The following IFT122 variants were observed in gnomAD, a reference collection of about 807,000 sequenced individuals.
The protein encoded by IFT122 is intraflagellar transport 122, also known as intraflagellar transport protein 122 homolog.
In IFT122, 118 loss-of-function variants were observed where a neutral mutation model predicts 161.6. That is an observed-to-expected ratio of 0.73 (90% confidence interval 0.63 to 0.85). The LOEUF is 0.85. Among genes scored for constraint, IFT122 ranks in the 40% least tolerant of loss-of-function variants. The pLI is 0.00. For missense variants in IFT122, 1,381 were observed against 1,579.6 expected, an observed-to-expected ratio of 0.87 and a Z score of 2.13; for synonymous variants, 550 against 602.4, an observed-to-expected ratio of 0.91 and a Z score of 1.27.
In IFT122 at chr3:129,504,330, G is replaced by A. The variant is rs897658448; in HGVS notation, c.2559G>A (p.Leu853=). 2.5e-6 allele frequency: 4 copies of A among 1,613,606 alleles called. No homozygotes were observed. In the African/African-American group the frequency reaches 5.3e-5, roughly 22 times the overall value. ...GCTCCTTCCCCCAGGCCTTTGCTTT[G>A]GGTGAGAAGCATCCTGAGTTTAAGG... ...ETQRWDEAFA[L]GEKHPEFKDD... The change falls in exon 21 of 30, where the codon TTG becomes TTA. Residue 853 remains leucine, a synonymous_variant. Coordinates refer to ENST00000348417, the MANE Select transcript of IFT122 (RefSeq NM_052989.3).
chr3:129,493,507 G>T (rs1408922392), intron 17 of IFT122, among the ~76,000 whole-genome samples: 1 of 152,222 alleles, frequency 6.6e-6, no homozygotes, highest in Non-Finnish European at 1.5e-5. Context: ...TTCCATGCAG[G>T]AGGAAATTAA....
chr3:129,492,069 C>T, intron 16 of IFT122, 72 bp from the exon 17 acceptor site: 1 of 1,146,012 alleles, frequency 8.7e-7, no homozygotes, highest in South Asian at 1.2e-5. Flanking sequence ...GCTTGACTTC[C>T]CACCCCTAGC....
At chr3:129,488,094 G>A (rs1577767158) in intron 15 of IFT122, 163 bp from the exon 16 acceptor site, 3 of 1,050,364 alleles carry the variant, frequency 2.9e-6, no homozygotes, top group Non-Finnish European at 4.3e-6. Context: ...GAGCACACAG[G>A]GTGGGCTGGG....
At chr3:129,448,114 A>G (rs956506563) in intron 1 of IFT122, among the ~76,000 whole-genome samples, 9 of 152,030 alleles carry the variant, frequency 5.9e-5, no homozygotes, top group African/African-American at 1.9e-4. Flanking sequence ...TATCTTCTTC[A>G]TTAATCTTTT....
chr3:129,506,634 T>C, intron 22 of IFT122, 85 bp downstream of exon 22: 1 of 1,577,146 alleles, frequency 6.3e-7, no homozygotes, highest in Non-Finnish European at 8.7e-7. Flanking sequence ...GACATTTTAA[T>C]TAAAGCCCTG....
At position 129,443,021 on chromosome 3, in the gene IFT122, C is replaced by T. The variant is rs573249927; in HGVS notation, c.41+2650C>T. Among the ~76,000 whole-genome samples the T allele has an allele frequency of 2.9e-3, 437 of 152,324 alleles. 2 individuals carry two copies. Among genetic ancestry groups the T allele is most frequent in the Non-Finnish European group, 4.5e-3 (306 of 68,024 alleles). On this transcript the variant is annotated intron_variant, in intron 1 of 29. Coordinates refer to ENST00000348417, the MANE Select transcript of IFT122 (RefSeq NM_052989.3). ...GCTAGCCCACTGTATTCCAATCAGG[C>T]TAGCATCTGCTGTAACTCTCCATTC...
chr3:129,467,142 A>C, intron 8 of IFT122, 76 bp downstream of exon 8: 1 of 1,445,880 alleles, frequency 6.9e-7, no homozygotes. Context: ...GACAGATGTT[A>C]AACTCTTTGG....
intron 26 of IFT122, among the ~76,000 whole-genome samples, chr3:129,516,050 G>GCA (rs779862475): frequency 2.4e-5 from 3 of 125,546 alleles, no homozygotes; most frequent in Non-Finnish European, 3.4e-5. Flanking sequence ...AACTGCCCCT[G>GCA]CACACACACA....
chr3:129,452,311 A>G, intron 3 of IFT122: 2 of 374,998 alleles, frequency 5.3e-6, no homozygotes, highest in South Asian at 4.6e-5. Context: ...GGGAAGACAT[A>G]CAGTAAACAT....
At chr3:129,490,760 C>T (rs190064525) in intron 16 of IFT122, among the ~76,000 whole-genome samples, 7 of 152,302 alleles carry the variant, frequency 4.6e-5, no homozygotes, top group Admixed American at 4.6e-4. Flanking sequence ...TTAAGGAAAC[C>T]CAGATCTAGA....
At chr3:129,516,556 T>TGACC (rs2083710161) in intron 26 of IFT122, among the ~76,000 whole-genome samples, 2 of 45,420 alleles carry the variant, frequency 4.4e-5, no homozygotes, top group African/African-American at 9.3e-5. Context: ...ACACACAGAT[T>TGACC]GCTCCTGCAC....
In IFT122 at chr3:129,492,141, G is replaced by A; in HGVS notation, c.1993G>A (p.Ala665Thr). ...TTTATTCTTTATTTCTTCGCCACAG[G>A]CCTTCATCAGAGTACAAGACCTCCG... is the stretch of plus-strand genomic sequence containing the variant. ...EGLDFETAKK[A>T]FIRVQDLRYL... is the part of the protein sequence containing the mutation. Residue 665 changes from alanine to threonine, a missense_variant and splice_region_variant, in exon 17 of 30, where the codon GCC (alanine) becomes ACC (threonine). Around this residue, in one of 7 missense-constraint regions of IFT122, gnomAD observed 496 missense variants for 502.5 expected, o/e 0.99. Transcript: ENST00000348417. The A allele has an allele frequency of 6.2e-7, 1 of 1,610,464 alleles. No individual in the cohort carries two copies. The highest frequency in any genetic ancestry group is 1.3e-5 in the African/African-American group (1 of 74,728).
chr3:129,466,752 C>A, intron 7 of IFT122, 138 bp from the exon 8 acceptor site: 1 of 793,896 alleles, frequency 1.3e-6, no homozygotes, highest in Non-Finnish European at 2.2e-6. Flanking sequence ...ATTCACTTGC[C>A]TCGGCCTCCT....
chr3:129,464,805 C>G, intron 7 of IFT122, 24 bp downstream of exon 7: 1 of 1,613,620 alleles, frequency 6.2e-7, no homozygotes, highest in Non-Finnish European at 8.5e-7. Context: ...TGTCCTCCTT[C>G]TAGAACAAAC....
intron 1 of IFT122, among the ~76,000 whole-genome samples, chr3:129,447,481 G>A (rs1006876604): frequency 1.3e-5 from 2 of 152,100 alleles, no homozygotes; most frequent in African/African-American, 2.4e-5. Flanking sequence ...GGAAGCCTTC[G>A]GGTACTAGGC....
chr3:129,466,278 A>C (rs929325557), intron 7 of IFT122, among the ~76,000 whole-genome samples: 4 of 152,066 alleles, frequency 2.6e-5, no homozygotes, highest in African/African-American at 9.7e-5. Context: ...CTTCTTCCTG[A>C]ATAATTTTTT....
At chr3:129,443,507 A>G (rs1180320353) in intron 1 of IFT122, among the ~76,000 whole-genome samples, 1 of 152,244 alleles carries the variant, frequency 6.6e-6, no homozygotes, top group African/African-American at 2.4e-5. Context: ...TCTTGCCCTG[A>G]TGGGCCAGAT....
At position 129,495,430 on chromosome 3, in the gene IFT122, C is replaced by T. The variant is rs2080720255; in HGVS notation, c.2047-16C>T. 1.2e-6 allele frequency: 2 copies of T among 1,613,828 alleles called. No homozygotes were observed. Among genetic ancestry groups the T allele is most frequent in the Non-Finnish European group, 8.5e-7 (1 of 1,179,918 alleles). On this transcript the variant is annotated splice_polypyrimidine_tract_variant and intron_variant, in intron 17 of 29. Coordinates refer to ENST00000348417, the MANE Select transcript of IFT122 (RefSeq NM_052989.3). Reference sequence around the variant, plus strand: ...ATGGCTGCAGAGGCCATTTCCTTTGCTTCTAATTTTTCCAGGAGAGGAAGA... The same window carrying T: ...ATGGCTGCAGAGGCCATTTCCTTTGTTTCTAATTTTTCCAGGAGAGGAAGA...
chr3:129,456,040 A>G (rs2075438009), intron 3 of IFT122: 2 of 452,992 alleles, frequency 4.4e-6, no homozygotes, highest in African/African-American at 2.0e-5. Flanking sequence ...GTATGTACAC[A>G]TGTACATACA....
Sources: allele counts gnomAD v4.1 joint callset (sites outside exome capture counted in the v4.1 genomes callset), GRCh38; gene constraint gnomAD v4.1.1; regional missense constraint gnomAD v4.1.1; transcripts MANE v1.5; gene names NCBI Gene and HGNC (gene_info 2026-07-23, HGNC 2026-07-21).